The following ZEB1 variants were observed in gnomAD, a reference collection of about 807,000 sequenced individuals.
ZEB1 encodes zinc finger E-box-binding homeobox 1.
Under a neutral mutation model 84.9 loss-of-function variants are expected in ZEB1, and 21 were observed. The ratio of observed to expected loss-of-function variants is 0.25; its 90% CI spans 0.18 to 0.36. The LOEUF (loss-of-function observed/expected upper bound fraction) is 0.36, where lower values mean the gene tolerates loss of function less well. Among genes scored for constraint, ZEB1 ranks in the 10% least tolerant of loss-of-function variants. The probability of loss-of-function intolerance (pLI) is 1.00; values close to 1 mark genes in which losing one functional copy is unlikely to be tolerated. For missense variants in ZEB1, 1,104 were observed against 1,330.2 expected (o/e 0.83, Z 2.65); for synonymous variants, 420 against 471.1 (o/e 0.89, Z 1.41).
At chr10:31,404,227 T>C (rs1342347235) in intron 1 of ZEB1, among the ~76,000 whole-genome samples, 1 of 152,092 alleles carries the variant, frequency 6.6e-6, no homozygotes, top group African/African-American at 2.4e-5. Context: ...GCCGTTTTTT[T>C]TTTAACTCTT....
At chr10:31,446,820 GC>G (rs1211366827) in intron 1 of ZEB1, among the ~76,000 whole-genome samples, 2 of 150,912 alleles carry the variant, frequency 1.3e-5, no homozygotes, top group East Asian at 1.9e-4. Flanking sequence ...GCTGAGGAGA[GC>G]TTTACTTCCA....
At position 31,520,993 on chromosome 10, in the gene ZEB1, A is replaced by G. The variant is rs35753967; in HGVS notation, c.1661A>G (p.Lys554Arg). ...CCAGAATTAAAGCACTATGACCTAA[A>G]GCAGCCTACTCAGCCTCCTCCACTC... Reference protein sequence around the residue: ...ALPELKHYDLKQPTQPPPLPA... With the variant: ...ALPELKHYDLRQPTQPPPLPA... Residue 554 changes from lysine to arginine, a missense_variant, in exon 7 of 9, where the codon AAG becomes AGG. Coordinates refer to ENST00000424869, the MANE Select transcript of ZEB1 (RefSeq NM_001174096.2). The surrounding 1 kb of genome is among the most constrained non-coding windows in gnomAD (Gnocchi z 5.1). 2.8e-3 allele frequency: 4,522 copies of G among 1,614,092 alleles called. 95 individuals carry two copies. The African/African-American group carries it at 0.052, about 19-fold the overall frequency.
At chr10:31,519,635 GC>G (rs1392898041) in intron 6 of ZEB1, among the ~76,000 whole-genome samples, 2 of 152,096 alleles carry the variant, frequency 1.3e-5, no homozygotes, top group African/African-American at 4.8e-5. Context: ...TTTCAAGAAA[GC>G]CCTATGGGTA....
intron 2 of ZEB1, among the ~76,000 whole-genome samples, chr10:31,471,544 C>G (rs1275039154): frequency 6.9e-6 from 1 of 145,224 alleles, no homozygotes; most frequent in Non-Finnish European, 1.5e-5. Context: ...AATACAGGAG[C>G]ACCCAGATTC....
intron 1 of ZEB1, among the ~76,000 whole-genome samples, chr10:31,328,102 G>C (rs577234517): frequency 3.9e-5 from 6 of 152,230 alleles, no homozygotes; most frequent in African/African-American, 1.4e-4. Flanking sequence ...GACTTTATGG[G>C]TAGTAAGAAG....
chr10:31,490,929 G>C (rs1254118350), intron 2 of ZEB1, among the ~76,000 whole-genome samples: 1 of 151,692 alleles, frequency 6.6e-6, no homozygotes, highest in Non-Finnish European at 1.5e-5. Context: ...TCCACAACTG[G>C]TTCACTTTTC....
At chr10:31,375,163 C>T (rs1460331310) in intron 1 of ZEB1, among the ~76,000 whole-genome samples, 1 of 149,988 alleles carries the variant, frequency 6.7e-6, no homozygotes, top group African/African-American at 2.4e-5. Context: ...AATGTTTATG[C>T]TTCATCTCCG....
chr10:31,374,881 A>G (rs1344017849), intron 1 of ZEB1: 2 of 151,856 alleles, frequency 1.3e-5, no homozygotes, highest in Non-Finnish European at 3.0e-5. Context: ...GAGTTCTTAC[A>G]GGATTTCAAG....
intron 1 of ZEB1, among the ~76,000 whole-genome samples, chr10:31,397,019 AT>A (rs879535994): frequency 4.7e-4 from 68 of 143,634 alleles, no homozygotes; most frequent in African/African-American, 7.1e-4. Flanking sequence ...TATTATTATT[AT>A]TTTTTTTTTT....
At chr10:31,364,814 A>G (rs574244908) in intron 1 of ZEB1, among the ~76,000 whole-genome samples, 107 of 152,312 alleles carry the variant, frequency 7.0e-4, no homozygotes, top group African/African-American at 2.4e-3. Flanking sequence ...TCATGGATAC[A>G]GCATCTATTC....
At chr10:31,421,221 G>A (rs1417146399) in intron 1 of ZEB1, among the ~76,000 whole-genome samples, 1 of 152,012 alleles carries the variant, frequency 6.6e-6, no homozygotes, top group Non-Finnish European at 1.5e-5. Flanking sequence ...GTGTTAGTGA[G>A]TTCTAGCAGA....
At chr10:31,502,655 A>G (rs184811404) in intron 4 of ZEB1, 146 bp downstream of exon 4, 2 of 943,808 alleles carry the variant, frequency 2.1e-6, no homozygotes, top group East Asian at 2.6e-5. Context: ...AATCTGTTTT[A>G]TTAATGGAAC....
At chr10:31,499,701 G>A (rs2067828645) in intron 3 of ZEB1, among the ~76,000 whole-genome samples, 1 of 152,006 alleles carries the variant, frequency 6.6e-6, no homozygotes, top group Non-Finnish European at 1.5e-5. Context: ...GGAGGTGGAG[G>A]TTGCAGTGAG....
chr10:31,350,612 A>T (rs2041161168), intron 1 of ZEB1, among the ~76,000 whole-genome samples: 1 of 152,184 alleles, frequency 6.6e-6, no homozygotes, highest in Admixed American at 6.5e-5. Flanking sequence ...CACAAATAGT[A>T]ATAATTTAAG....
At chr10:31,415,981 C>T (rs1401582735) in intron 1 of ZEB1, among the ~76,000 whole-genome samples, 3 of 152,030 alleles carry the variant, frequency 2.0e-5, no homozygotes, top group Non-Finnish European at 4.4e-5. Flanking sequence ...GGAATTATTT[C>T]TAATAATCTT....
At chr10:31,381,611 A>G (rs1407382813) in intron 1 of ZEB1, 2 of 152,202 alleles carry the variant, frequency 1.3e-5, no homozygotes, top group Non-Finnish European at 2.9e-5. Flanking sequence ...CCTACTAAAT[A>G]TCAAAAGGTT....
intron 1 of ZEB1, among the ~76,000 whole-genome samples, chr10:31,425,080 T>TG (rs1259244929): frequency 6.6e-6 from 1 of 152,010 alleles, no homozygotes; most frequent in African/African-American, 2.4e-5. Flanking sequence ...GTTGTTACTC[T>TG]GGGAGGAATG....
chr10:31,322,031 A>T (rs1052316920), intron 1 of ZEB1: 1 of 179,414 alleles, frequency 5.6e-6, no homozygotes, highest in African/African-American at 2.4e-5. Flanking sequence ...TGTCTGCAGT[A>T]TGCATTACTC....
intron 1 of ZEB1, chr10:31,387,015 G>A (rs1299806098): frequency 2.4e-6 from 2 of 841,218 alleles, no homozygotes; most frequent in African/African-American, 1.8e-5. Flanking sequence ...GAATACTCAT[G>A]ATTTTATCTA....
Sources: allele counts gnomAD v4.1 joint callset (sites outside exome capture counted in the v4.1 genomes callset), GRCh38; gene constraint gnomAD v4.1.1; non-coding constraint Gnocchi (gnomAD v3.1); transcripts MANE v1.5; gene names NCBI Gene and HGNC (gene_info 2026-07-23, HGNC 2026-07-21).